The following FAM114A1 variants were observed in gnomAD, a reference collection of about 807,000 sequenced individuals.
FAM114A1 encodes the protein family with sequence similarity 114 member A1.
A neutral mutation model predicts 64.3 loss-of-function variants in FAM114A1; 62 were observed. The observed-to-expected ratio is 0.96, with a 90% CI of 0.79 to 1.19. FAM114A1 has a LOEUF of 1.19. FAM114A1 is among the 50% of genes most tolerant of loss of function. The pLI is 0.00. For synonymous variants in FAM114A1, 254 were observed against 251.1 expected (o/e 1.01, Z -0.11); for missense variants, 645 against 676.3 (o/e 0.95, Z 0.51).
At chr4:38,926,789 T>G (rs569955353) in intron 9 of FAM114A1, among the ~76,000 whole-genome samples, 1 of 152,198 alleles carries the variant, frequency 6.6e-6, no homozygotes, top group Non-Finnish European at 1.5e-5. Flanking sequence ...TCTCTCTATC[T>G]CTGAGACTGT....
intron 4 of FAM114A1, among the ~76,000 whole-genome samples, chr4:38,894,805 G>A (rs150313239): frequency 2.7e-4 from 41 of 152,268 alleles, no homozygotes; most frequent in African/African-American, 9.6e-4. Context: ...GCTATGTAAG[G>A]AATTACCACA....
rs532030041 is a variant in FAM114A1 at position 38,905,623 on chromosome 4, G to A, written c.538G>A (p.Gly180Arg). 4.3e-6 allele frequency: 7 copies of A among 1,613,994 alleles called. No homozygotes were observed. The highest frequency in any genetic ancestry group is 3.3e-5 in the Admixed American group (2 of 60,008). ...SEGAQPNTEN[G>R]VPEITDAATD... ...AGGAGCCCAACCAAATACTGAAAACGGAGTCCCTGAAAGTGAGTGATGTGT... is the reference window on the plus strand; with the variant it reads ...AGGAGCCCAACCAAATACTGAAAACAGAGTCCCTGAAAGTGAGTGATGTGT... The change falls in exon 5 of 15, where the codon GGA becomes AGA. Residue 180 changes from glycine (G) to arginine (R), a missense_variant. Gly to Arg is a moderately radical substitution (Grantham distance 125). Transcript: ENST00000358869.
intron 3 of FAM114A1, among the ~76,000 whole-genome samples, chr4:38,891,357 T>TA (rs3216719): frequency 0.33 from 49,608 of 152,044 alleles, 9,066 homozygotes; most frequent in Middle Eastern, 0.56. Flanking sequence ...GCACATTTTT[T>TA]AAGCCCTGTA....
intron 12 of FAM114A1, among the ~76,000 whole-genome samples, chr4:38,933,271 G>A (rs951395464): frequency 7.2e-5 from 11 of 152,210 alleles, no homozygotes; most frequent in Admixed American, 1.3e-4. Context: ...TGCATGAGGC[G>A]TGAAAGTACT....
At chr4:38,892,358 G>T (rs1716494504) in intron 4 of FAM114A1, among the ~76,000 whole-genome samples, 1 of 152,152 alleles carries the variant, frequency 6.6e-6, no homozygotes. Context: ...TAGAGTTTTT[G>T]TAATTGAGTA....
intron 3 of FAM114A1, among the ~76,000 whole-genome samples, chr4:38,883,393 G>T (rs1715487277): frequency 6.6e-6 from 1 of 152,074 alleles, no homozygotes; most frequent in Non-Finnish European, 1.5e-5. Flanking sequence ...GCTCTTATGG[G>T]ACCTTATTAT....
chr4:38,929,113 C>G (rs1013293581), intron 9 of FAM114A1, 129 bp from the exon 10 acceptor site: 1 of 692,942 alleles, frequency 1.4e-6, no homozygotes, highest in East Asian at 2.7e-5. Context: ...CTTTGCCCAG[C>G]GGCTGGCGGG....
At chr4:38,900,798 G>T (rs1717438859) in intron 4 of FAM114A1, among the ~76,000 whole-genome samples, 1 of 152,132 alleles carries the variant, frequency 6.6e-6, no homozygotes, top group Non-Finnish European at 1.5e-5. Flanking sequence ...GTTTAAATGG[G>T]TATAGAGTTT....
At chr4:38,893,644 T>TA (rs930345774) in intron 4 of FAM114A1, among the ~76,000 whole-genome samples, 3 of 152,222 alleles carry the variant, frequency 2.0e-5, no homozygotes, top group African/African-American at 7.2e-5. Flanking sequence ...TCAGTGTCTG[T>TA]ACCTCATTTG....
At chr4:38,891,880 G>A in intron 4 of FAM114A1, 50 bp downstream of exon 4, 1 of 1,525,104 alleles carries the variant, frequency 6.6e-7, no homozygotes, top group Non-Finnish European at 8.9e-7. Flanking sequence ...AAGCCTAATA[G>A]GATAGGACGT....
chr4:38,909,874 G>A (rs1404327896), intron 7 of FAM114A1, among the ~76,000 whole-genome samples: 1 of 152,162 alleles, frequency 6.6e-6, no homozygotes, highest in Admixed American at 6.5e-5. Flanking sequence ...TGAGCACTCC[G>A]ATGTTATAGT....
At chr4:38,899,112 C>G (rs1043260770) in intron 4 of FAM114A1, among the ~76,000 whole-genome samples, 3 of 151,574 alleles carry the variant, frequency 2.0e-5, no homozygotes, top group Non-Finnish European at 4.4e-5. Flanking sequence ...GATCAGTTTT[C>G]TAGGTTGGAT....
chr4:38,886,001 T>TC (rs1367423299), intron 3 of FAM114A1, among the ~76,000 whole-genome samples: 14 of 152,022 alleles, frequency 9.2e-5, no homozygotes, highest in African/African-American at 3.4e-4. Flanking sequence ...GTGGGTGAGC[T>TC]TTGGATGCTA....
Position 38,878,397 on chromosome 4 carries a change from G to A in FAM114A1, c.319G>A (p.Glu107Lys), listed in dbSNP as rs149201693. 70 of 1,602,776 alleles carry A rather than the reference G, an allele frequency of 4.4e-5. No homozygotes were observed. Among genetic ancestry groups the A allele is most frequent in the African/African-American group, 3.5e-4 (26 of 74,714 alleles). The change falls in exon 3 of 15, where the codon GAA becomes AAA. Residue 107 changes from glutamate to lysine, a missense_variant. By Grantham distance (56) the Glu-to-Lys change is moderately conservative. Coordinates refer to ENST00000358869, the MANE Select transcript of FAM114A1 (RefSeq NM_138389.4). ...CAGCCTTGAGGCAGAACCCAGATCC[G>A]AAATACCCCTGCAAGAACAGAATTA... is the stretch of plus-strand genomic sequence containing the variant. Reference protein sequence around the residue: ...SVSLEAEPRSEIPLQEQNYLA... With the variant: ...SVSLEAEPRSKIPLQEQNYLA...
intron 4 of FAM114A1, 91 bp from the exon 5 acceptor site, chr4:38,905,431 G>T: frequency 1.1e-6 from 1 of 923,972 alleles, no homozygotes; most frequent in Non-Finnish European, 1.7e-6. Context: ...ATGTACTTCT[G>T]CAACTTGAAA....
At chr4:38,898,161 C>T (rs1348418879) in intron 4 of FAM114A1, among the ~76,000 whole-genome samples, 1 of 152,068 alleles carries the variant, frequency 6.6e-6, no homozygotes, top group Non-Finnish European at 1.5e-5. Context: ...TAGATACCAC[C>T]AAAGGCTTAA....
At chr4:38,869,622 A>C (rs1489948624) in intron 2 of FAM114A1, among the ~76,000 whole-genome samples, 1 of 152,188 alleles carries the variant, frequency 6.6e-6, no homozygotes, top group Non-Finnish European at 1.5e-5. Context: ...TAGACTTGTC[A>C]AGCTTTATAC....
intron 4 of FAM114A1, among the ~76,000 whole-genome samples, chr4:38,892,504 G>C (rs1478067109): frequency 6.6e-6 from 1 of 152,062 alleles, no homozygotes; most frequent in Non-Finnish European, 1.5e-5. Context: ...CTTATACAAA[G>C]AGAAAATATG....
In FAM114A1 at chr4:38,894,124, CT is replaced by C. The variant is rs200898966; in HGVS notation, c.436+2295del. On this transcript the variant is annotated intron_variant, in intron 4 of 14. Transcript: ENST00000358869. ...GTTGCAGTGAACAGAGATTACGCCC[CT>C]GCACTCCAGCCTGGGCAATAGAATG... is the stretch of plus-strand genomic sequence containing the variant. Among the ~76,000 whole-genome samples, 788 of 144,524 alleles carry C rather than the reference CT, an allele frequency of 5.5e-3. 7 individuals carry two copies. The highest frequency in any genetic ancestry group is 0.018 in the African/African-American group (676 of 38,556). The allele number at this position is 144,524 out of a possible 152,430, so 94.8% of individuals were successfully genotyped here.
Sources: gnomAD v4.1 joint callset for allele counts (sites outside exome capture counted in the v4.1 genomes callset) on GRCh38, gnomAD v4.1.1 for gene constraint, MANE v1.5 for transcripts, NCBI Gene and HGNC (gene_info 2026-07-23, HGNC 2026-07-21) for gene names.